The following ARID5B variants were observed in gnomAD, a reference collection of about 807,000 sequenced individuals.
The protein encoded by ARID5B is AT-rich interactive domain-containing protein 5B.
In ARID5B, 13 loss-of-function variants were observed where a neutral mutation model predicts 97.2. The ratio of observed to expected loss-of-function variants is 0.13; its 90% CI spans 0.09 to 0.21. ARID5B has a LOEUF of 0.21. Ranked by LOEUF, ARID5B falls within the 10% of genes least tolerant of loss-of-function variation. ARID5B has a pLI of 1.00. For missense variants in ARID5B, 1,210 were observed against 1,465.3 expected (o/e 0.83, Z 2.84); for synonymous variants, 556 against 570.3 (o/e 0.97, Z 0.36).
chr10:62,088,939 GA>G lies in ARID5B; in HGVS notation c.1399-1916del, dbSNP rs554346456. On this transcript the variant is annotated intron_variant, in intron 9 of 9. Coordinates refer to ENST00000279873, the MANE Select transcript of ARID5B (RefSeq NM_032199.3). Reference sequence around the variant, plus strand: ...AAGCAGATCATAAAATGTCTTACTAGAAAAAAAGTCCTTTACTTTTTTCTGC... The same window carrying G: ...AAGCAGATCATAAAATGTCTTACTAGAAAAAAGTCCTTTACTTTTTTCTGC... 1.6e-3 allele frequency among the ~76,000 whole-genome samples: 239 copies of G among 152,126 alleles called. 2 individuals carry two copies. Among genetic ancestry groups the G allele is most frequent in the Non-Finnish European group, 3.0e-3 (204 of 67,972 alleles).
At chr10:61,929,523 CAG>C (rs78146768) in intron 2 of ARID5B, among the ~76,000 whole-genome samples, 8,150 of 152,216 alleles carry the variant, frequency 0.054, 323 homozygotes, top group East Asian at 0.15. Flanking sequence ...CTGTGTGTAA[CAG>C]AGACTCGTAT....
chr10:61,912,822 C>T (rs1241670021), intron 2 of ARID5B, among the ~76,000 whole-genome samples: 1 of 151,990 alleles, frequency 6.6e-6, no homozygotes, highest in Admixed American at 6.6e-5. Context: ...GCCAAGTTAC[C>T]CCCCAGTTGC....
intron 2 of ARID5B, among the ~76,000 whole-genome samples, chr10:61,910,524 A>G (rs942114675): frequency 6.6e-6 from 1 of 152,214 alleles, no homozygotes; most frequent in African/African-American, 2.4e-5. Context: ...TGAAGAATCT[A>G]CACTGCACAA....
At chr10:61,976,032 G>A (rs1385814616) in intron 3 of ARID5B, among the ~76,000 whole-genome samples, 1 of 152,218 alleles carries the variant, frequency 6.6e-6, no homozygotes, top group Non-Finnish European at 1.5e-5. Context: ...GTCAGACAGG[G>A]CCTGGGTTAA....
chr10:62,091,315 G>A lies in ARID5B; in HGVS notation c.1852G>A (p.Ala618Thr), dbSNP rs143074852. 6.4e-4 allele frequency: 1,026 copies of A among 1,614,112 alleles called. 7 individuals carry two copies. In the African/African-American group the frequency reaches 0.011, roughly 18 times the overall value. ...QNETEDDKLP[A>T]MADYIANCTV... is the part of the protein sequence containing the mutation. ...TGAGACGGAGGATGACAAACTGCCC[G>A]CCATGGCAGATTACATTGCCAACTG... is the stretch of plus-strand genomic sequence containing the variant. The change falls in exon 10 of 10, where the codon GCC becomes ACC. Residue 618 changes from alanine to threonine, a missense_variant. Physicochemically the swap from Ala to Thr is moderately conservative, Grantham distance 58. This residue lies in a region of ARID5B where 800 missense variants were observed against 839.1 expected (regional missense o/e 0.95). Transcript: ENST00000279873.
At position 62,000,546 on chromosome 10, in the gene ARID5B, A is replaced by C. The variant is rs1447921578; in HGVS notation, c.733+225A>C. Among the ~76,000 whole-genome samples, 1 of 152,034 alleles carries C rather than the reference A, an allele frequency of 6.6e-6. No homozygotes were observed. Among genetic ancestry groups the C allele is most frequent in the Non-Finnish European group, 1.5e-5 (1 of 68,000 alleles). ...ATGATTATTTATAATTTGTTGTTCA[A>C]TGTAGAGTCTGAAGTTGCTTGGTCG... is the stretch of plus-strand genomic sequence containing the variant. On this transcript the variant is annotated intron_variant, in intron 4 of 9. Transcript: ENST00000279873. This position sits in a 1 kb window ranked among gnomAD's most constrained non-coding sequence, Gnocchi z 4.4.
At chr10:62,003,440 A>G (rs1230837941) in intron 4 of ARID5B, among the ~76,000 whole-genome samples, 1 of 152,210 alleles carries the variant, frequency 6.6e-6, no homozygotes, top group African/African-American at 2.4e-5. Flanking sequence ...GCAGGTTAAT[A>G]ACTACTCATT....
At position 61,926,789 on chromosome 10, in the gene ARID5B, T is replaced by C. The variant is rs185285342; in HGVS notation, c.277-13394T>C. ...ACACCCAGCTAGTTTTTGGGTTTTT[T>C]TGTATTTTGTATTTTTAATAGAGAT... On this transcript the variant is annotated intron_variant, in intron 2 of 9. Coordinates refer to ENST00000279873, the MANE Select transcript of ARID5B (RefSeq NM_032199.3). Among the ~76,000 whole-genome samples the C allele has an allele frequency of 5.9e-5, 9 of 151,866 alleles. No individual in the cohort carries two copies. The East Asian group carries it at 1.6e-3, about 26-fold the overall frequency.
intron 3 of ARID5B, among the ~76,000 whole-genome samples, chr10:61,991,552 T>C (rs1564621835): frequency 6.6e-6 from 1 of 152,214 alleles, no homozygotes; most frequent in Non-Finnish European, 1.5e-5. Context: ...GCAGGAGTTC[T>C]TTATGTATTC....
intron 2 of ARID5B, among the ~76,000 whole-genome samples, chr10:61,936,603 T>A (rs950840609): frequency 3.9e-5 from 6 of 152,104 alleles, no homozygotes; most frequent in Admixed American, 2.0e-4. Flanking sequence ...GGCTACAGAG[T>A]GAGACTCCGT....
At position 62,096,166 on chromosome 10, in the gene ARID5B, T is replaced by A. The variant is rs552789541; in HGVS notation, c.*3136T>A. ...CTAGAAGCTCTTAAGTTCACTTGTT[T>A]ATCAGGGCATATACAGAAGGGTTTG... On this transcript the variant is annotated 3_prime_UTR_variant, in exon 10 of 10. Transcript: ENST00000279873. 95 of 233,644 alleles carry A rather than the reference T, an allele frequency of 4.1e-4. No individual in the cohort carries two copies. The highest frequency in any genetic ancestry group is 2.0e-3 in the African/African-American group (93 of 45,466). 14.5% of individuals were successfully genotyped at this position (233,644 alleles called of 1,614,324 possible).
At chr10:61,919,048 C>T (rs868439822) in intron 2 of ARID5B, among the ~76,000 whole-genome samples, 15 of 127,040 alleles carry the variant, frequency 1.2e-4, no homozygotes, top group South Asian at 3.1e-4. Flanking sequence ...CCCCCCCCCC[C>T]CCCCAAAAAA....
chr10:61,958,541 T>C (rs1564613256), intron 3 of ARID5B, among the ~76,000 whole-genome samples: 2 of 152,202 alleles, frequency 1.3e-5, no homozygotes, highest in African/African-American at 2.4e-5. Context: ...CTCTTTTTCA[T>C]TGGTAGTAGT....
rs1843631588 is a variant in ARID5B, at chr10:61,902,431, C to T, written c.276+18C>T. 1 of 1,609,338 alleles carries T rather than the reference C, an allele frequency of 6.2e-7. No individual in the cohort carries two copies. Among genetic ancestry groups the T allele is most frequent in the Non-Finnish European group, 8.5e-7 (1 of 1,176,998 alleles). ...ATGGCGAGGTGGTAAACCTGTCTGT[C>T]CCCCTCTTCTTTCTTTATTATTTTT... On this transcript the variant is annotated intron_variant, in intron 2 of 9. Coordinates refer to ENST00000279873, the MANE Select transcript of ARID5B (RefSeq NM_032199.3).
At chr10:61,955,232 C>T (rs1838376028) in intron 3 of ARID5B, among the ~76,000 whole-genome samples, 1 of 152,168 alleles carries the variant, frequency 6.6e-6, no homozygotes, top group Non-Finnish European at 1.5e-5. Context: ...TCTACAGTGG[C>T]CCTGCTTTGG....
chr10:61,962,218 C>A (rs1277901008), intron 3 of ARID5B, among the ~76,000 whole-genome samples: 1 of 152,212 alleles, frequency 6.6e-6, no homozygotes, highest in Non-Finnish European at 1.5e-5. Context: ...AGGTTGAATC[C>A]TTCGGATTGT....
At chr10:61,974,351 T>C (rs975445506) in intron 3 of ARID5B, among the ~76,000 whole-genome samples, 1 of 152,212 alleles carries the variant, frequency 6.6e-6, no homozygotes, top group African/African-American at 2.4e-5. Context: ...CAAACTTGAT[T>C]TGCTGCTATG....
In ARID5B at chr10:61,949,036, CA is replaced by C. The variant is rs145447162; in HGVS notation, c.502+8630del. On this transcript the variant is annotated intron_variant, in intron 3 of 9. Transcript: ENST00000279873. Reference sequence around the variant, plus strand: ...TGTTAATATGGCAGCTACTGTGGCTCAATATCAATGTTGTGCCTTTTGAGCT... The same window carrying C: ...TGTTAATATGGCAGCTACTGTGGCTCATATCAATGTTGTGCCTTTTGAGCT... 3.1e-4 allele frequency among the ~76,000 whole-genome samples: 47 copies of C among 152,302 alleles called. No homozygotes were observed. The East Asian group carries it at 5.6e-3, about 18-fold the overall frequency.
intron 3 of ARID5B, among the ~76,000 whole-genome samples, chr10:61,970,402 A>G (rs1422500846): frequency 6.6e-6 from 1 of 152,218 alleles, no homozygotes; most frequent in African/African-American, 2.4e-5. Flanking sequence ...CAGTTAAAAC[A>G]AGGTTGACTA....
Sources: allele counts gnomAD v4.1 joint callset (sites outside exome capture counted in the v4.1 genomes callset), GRCh38; gene constraint gnomAD v4.1.1; regional missense constraint gnomAD v4.1.1; non-coding constraint Gnocchi (gnomAD v3.1); transcripts MANE v1.5; gene names NCBI Gene and HGNC (gene_info 2026-07-23, HGNC 2026-07-21).